GLP1R: variants seen among roughly 807,000 people sequenced by gnomAD.
GLP1R encodes the protein glucagon like peptide 1 receptor.
GLP1R carries 32 observed loss-of-function variants against 68.4 expected under a neutral mutation model. That is an observed-to-expected ratio of 0.47 (90% CI 0.35 to 0.63). GLP1R has a LOEUF of 0.63. Among genes scored for constraint, GLP1R ranks in the 20% least tolerant of loss-of-function variants. The probability of loss-of-function intolerance (pLI) is 0.00; values close to 1 mark genes in which losing one functional copy is unlikely to be tolerated. For synonymous variants in GLP1R, 263 were observed against 244.4 expected, an observed-to-expected ratio of 1.08 and a Z score of -0.71; for missense variants, 502 against 594.9, an observed-to-expected ratio of 0.84 and a Z score of 1.62.
chr6:39,065,309 C>G (rs10305451), intron 3 of GLP1R, among the ~76,000 whole-genome samples: 1 of 152,186 alleles, frequency 6.6e-6, no homozygotes, highest in Non-Finnish European at 1.5e-5. Context: ...GGGGCAGGCA[C>G]GGCTGCTGCT....
At chr6:39,053,314 C>G (rs1326228340) in intron 1 of GLP1R, among the ~76,000 whole-genome samples, 1 of 152,210 alleles carries the variant, frequency 6.6e-6, no homozygotes, top group Non-Finnish European at 1.5e-5. Flanking sequence ...CAGGGCCTTG[C>G]CCCTCCTCAC....
In GLP1R at chr6:39,079,730, T is replaced by C; in HGVS notation, c.1182+28T>C. On this transcript the variant is annotated intron_variant, in intron 11 of 12. Coordinates refer to ENST00000373256, the MANE Select transcript of GLP1R (RefSeq NM_002062.5). The surrounding 1 kb of genome is among the most constrained non-coding windows in gnomAD (Gnocchi z 4.5). ...GACTTCATGCTTGGGGACACTTGCT[T>C]GTAAAGTCCTAGAGTGGGGGTGGGA... 6.2e-7 allele frequency: 1 copy of C among 1,600,798 alleles called. No homozygotes were observed. Among genetic ancestry groups the C allele is most frequent in the Non-Finnish European group, 8.6e-7 (1 of 1,169,374 alleles).
intron 3 of GLP1R, among the ~76,000 whole-genome samples, chr6:39,061,065 A>G (rs1293312564): frequency 6.6e-6 from 1 of 152,202 alleles, no homozygotes. Flanking sequence ...CCTCCAAGGA[A>G]TGAGGGTTCC....
intron 4 of GLP1R, 47 bp from the exon 5 acceptor site, chr6:39,066,150 A>T: frequency 9.5e-7 from 1 of 1,057,160 alleles, no homozygotes; most frequent in Non-Finnish European, 1.5e-6. Flanking sequence ...TTGTGGGAAG[A>T]GGGCCATGGG....
intron 1 of GLP1R, 87 bp from the exon 2 acceptor site, chr6:39,056,310 A>C: frequency 1.5e-6 from 1 of 672,590 alleles, no homozygotes. Context: ...TTTCATGGAG[A>C]TTGAGAAACC....
At chr6:39,076,159 AG>A (rs1373805456) in intron 7 of GLP1R, among the ~76,000 whole-genome samples, 3 of 152,212 alleles carry the variant, frequency 2.0e-5, no homozygotes, top group Admixed American at 2.0e-4. Flanking sequence ...AAGGGACAGC[AG>A]GGGGCGAGGG....
intron 5 of GLP1R, among the ~76,000 whole-genome samples, chr6:39,071,687 C>A (rs1768671533): frequency 6.6e-6 from 1 of 152,020 alleles, no homozygotes; most frequent in Non-Finnish European, 1.5e-5. Flanking sequence ...TGTCCGGATA[C>A]CATGGTGCCT....
chr6:39,048,781 A>C lies in GLP1R; in HGVS notation c.-60A>C. The C allele has an allele frequency of 1.3e-6, 1 of 766,484 alleles. No individual in the cohort carries two copies. Among genetic ancestry groups the C allele is most frequent in the Non-Finnish European group, 2.1e-6 (1 of 468,270 alleles). 47.5% of individuals were successfully genotyped at this position (766,484 alleles called of 1,614,324 possible). A position where few individuals can be genotyped will look rare whatever the true frequency, so the allele number is the denominator to read the frequency against. On this transcript the variant is annotated 5_prime_UTR_variant, in exon 1 of 13. Transcript: ENST00000373256. ...CCCCACCGCCCGCCACCAGCCCGGG[A>C]TCAGTCTCCGCACGCGGTTCCGCAG...
rs1434624462 is a variant in GLP1R at position 39,078,305 on chromosome 6, C to T, written c.824-17C>T. ...CCTGCCAGCCCCTCTCCCCTTCTGT[C>T]TTTCCCTCTCTCTTAGGTGTTCCCC... On this transcript the variant is annotated splice_polypyrimidine_tract_variant and intron_variant, in intron 7 of 12. Transcript: ENST00000373256. 1 of 1,602,712 alleles carries T rather than the reference C, an allele frequency of 6.2e-7. No individual in the cohort carries two copies. The highest frequency in any genetic ancestry group is 8.5e-7 in the Non-Finnish European group (1 of 1,169,676).
intron 12 of GLP1R, among the ~76,000 whole-genome samples, chr6:39,085,290 G>A (rs1769115432): frequency 1.3e-5 from 2 of 152,244 alleles, no homozygotes; most frequent in East Asian, 1.9e-4. Context: ...CCCCTGGGCT[G>A]CACCCCCATG....
At chr6:39,068,124 C>T (rs1369024483) in intron 5 of GLP1R, among the ~76,000 whole-genome samples, 1 of 151,968 alleles carries the variant, frequency 6.6e-6, no homozygotes, top group African/African-American at 2.4e-5. Flanking sequence ...AATTAAAATT[C>T]AAATAAAAAA....
At chr6:39,085,157 T>A (rs1442203783) in intron 12 of GLP1R, among the ~76,000 whole-genome samples, 1 of 151,430 alleles carries the variant, frequency 6.6e-6, no homozygotes, top group Non-Finnish European at 1.5e-5. Flanking sequence ...GGCTCCACAG[T>A]GTTACTTGGA....
chr6:39,065,898 G>T, intron 4 of GLP1R, 69 bp downstream of exon 4: 1 of 945,460 alleles, frequency 1.1e-6, no homozygotes, highest in Non-Finnish European at 1.7e-6. Flanking sequence ...CTGGAGCAAA[G>T]ACCCTTGGCT....
chr6:39,052,994 G>A (rs1768121123), intron 1 of GLP1R, among the ~76,000 whole-genome samples: 1 of 152,112 alleles, frequency 6.6e-6, no homozygotes, highest in African/African-American at 2.4e-5. Flanking sequence ...GAATCTGAGG[G>A]ATGCCCCTTC....
rs1355115250 is a variant in GLP1R at position 39,066,333 on chromosome 6, T to A, written c.509+30T>A. 4.1e-6 allele frequency: 5 copies of A among 1,211,530 alleles called. No individual in the cohort carries two copies. The African/African-American group carries it at 5.9e-5, about 14-fold the overall frequency. The allele number at this position is 1,211,530 out of a possible 1,614,324, so 75.0% of individuals were successfully genotyped here. On this transcript the variant is annotated intron_variant, in intron 5 of 12. Transcript: ENST00000373256. ...GGTGGCCCGGACCCTGGGAGGGGGC[T>A]GCTTCATCCTAACTCCCCCAGATAG...
At position 39,048,898 on chromosome 6, in the gene GLP1R, A is replaced by G; in HGVS notation, c.58A>G (p.Arg20Gly). The change falls in exon 1 of 13, where the codon AGG becomes GGG. Residue 20 changes from arginine to glycine, a missense_variant. By Grantham distance (125) the Arg-to-Gly change is moderately radical. Transcript: ENST00000373256. ...GCTGCTGCTGCTCGGGATGGTGGGC[A>G]GGGCCGGCCCCCGCCCCCAGGTGAG... ...LALLLLGMVG[R>G]AGPRPQGATV... The G allele has an allele frequency of 6.9e-7, 1 of 1,440,668 alleles. No individual in the cohort carries two copies. The highest frequency in any genetic ancestry group is 1.4e-5 in the South Asian group (1 of 70,590). 89.2% of individuals were successfully genotyped at this position (1,440,668 alleles called of 1,614,324 possible). A position where few individuals can be genotyped will look rare whatever the true frequency, so the allele number is the denominator to read the frequency against.
rs1451533496 is a variant in GLP1R, at chr6:39,089,533, C to G, written c.*3460C>G. On this transcript the variant is annotated 3_prime_UTR_variant, in exon 13 of 13. Coordinates refer to ENST00000373256, the MANE Select transcript of GLP1R (RefSeq NM_002062.5). The surrounding 1 kb of genome is among the most constrained non-coding windows in gnomAD (Gnocchi z 4.1). ...CTCATCAGGGTTGGCTGTGTACTAT[C>G]CAGCAGCTCACAGTCAGGAGACCTC... 6.6e-6 allele frequency among the ~76,000 whole-genome samples: 1 copy of G among 152,202 alleles called. No homozygotes were observed. Among genetic ancestry groups the G allele is most frequent in the Non-Finnish European group, 1.5e-5 (1 of 68,042 alleles).
At chr6:39,054,541 G>C (rs1164240741) in intron 1 of GLP1R, among the ~76,000 whole-genome samples, 1 of 149,916 alleles carries the variant, frequency 6.7e-6, no homozygotes, top group Non-Finnish European at 1.5e-5. Flanking sequence ...TATGTCCACA[G>C]CTCTGCTCAG....
chr6:39,049,867 T>C lies in GLP1R; in HGVS notation c.78+949T>C, dbSNP rs886572573. Among the ~76,000 whole-genome samples the C allele has an allele frequency of 6.6e-6, 1 of 152,046 alleles. No homozygotes were observed. ...GACTTGCTTGAGCAGAGAGGAGACA[T>C]AGACTTGGGTGGCCTGTCCTGGGTC... On this transcript the variant is annotated intron_variant, in intron 1 of 12. Transcript: ENST00000373256. This position sits in a 1 kb window ranked among gnomAD's most constrained non-coding sequence, Gnocchi z 4.5.
Sources: gnomAD v4.1 joint callset for allele counts (sites outside exome capture counted in the v4.1 genomes callset) on GRCh38, gnomAD v4.1.1 for gene constraint, Gnocchi (gnomAD v3.1) non-coding constraint, MANE v1.5 for transcripts, NCBI Gene and HGNC (gene_info 2026-07-23, HGNC 2026-07-21) for gene names.